The following ADAMTSL3 variants were observed in gnomAD, a reference collection of about 807,000 sequenced individuals.
The protein encoded by ADAMTSL3 is ADAMTS-like protein 3.
In ADAMTSL3, 128 loss-of-function variants were observed where a neutral mutation model predicts 201.7. The observed-to-expected ratio is 0.63, with a 90% confidence interval of 0.55 to 0.73. The LOEUF (loss-of-function observed/expected upper bound fraction) is 0.73. Among genes scored for constraint, ADAMTSL3 ranks in the 30% least tolerant of loss-of-function variants. The pLI is 0.00. For synonymous variants in ADAMTSL3, 738 were observed against 748.4 expected, an observed-to-expected ratio of 0.99 and a Z score of 0.23; for missense variants, 1,990 against 2,119.6, an observed-to-expected ratio of 0.94 and a Z score of 1.20.
chr15:83,655,693 G>C, intron 1 of ADAMTSL3, 36 bp from the exon 2 acceptor site: 3 of 1,505,824 alleles, frequency 2.0e-6, no homozygotes, highest in South Asian at 2.3e-5. Flanking sequence ...ATGGGGGCCA[G>C]AGCTGGTTGG....
chr15:83,937,826 C>G lies in ADAMTSL3; in HGVS notation c.2118-4770C>G, dbSNP rs529963128. On this transcript the variant is annotated intron_variant, in intron 17 of 29. Transcript: ENST00000286744. The stretch of plus-strand genomic sequence containing the variant: ...TATCACCTTATATTAATCAGGGTTC[C>G]TAGGTATAAGCAGTATAAACTAATT... 2.0e-5 allele frequency among the ~76,000 whole-genome samples: 3 copies of G among 150,766 alleles called. 1 individual carries two copies. The highest frequency in any genetic ancestry group is 7.5e-5 in the African/African-American group (3 of 40,222).
intron 27 of ADAMTSL3, among the ~76,000 whole-genome samples, chr15:84,029,738 C>T (rs758114771): frequency 5.7e-4 from 86 of 152,196 alleles, no homozygotes; most frequent in Non-Finnish European, 5.1e-4. Context: ...GTCTCCAGGG[C>T]ACGTCAGTGG....
At chr15:84,022,547 A>G (rs2068222833) in intron 26 of ADAMTSL3, among the ~76,000 whole-genome samples, 1 of 152,224 alleles carries the variant, frequency 6.6e-6, no homozygotes, top group South Asian at 2.1e-4. Flanking sequence ...TATATTTTAC[A>G]TTTTTGCTTT....
intron 3 of ADAMTSL3, among the ~76,000 whole-genome samples, chr15:83,750,870 T>A (rs1691702091): frequency 6.6e-6 from 1 of 152,216 alleles, no homozygotes; most frequent in African/African-American, 2.4e-5. Context: ...TTTTAATTCG[T>A]TGATTCATTG....
At chr15:83,772,813 C>T (rs991981904) in intron 3 of ADAMTSL3, among the ~76,000 whole-genome samples, 2 of 151,360 alleles carry the variant, frequency 1.3e-5, no homozygotes. Context: ...TCAAGTGATT[C>T]TCCTGCTTTG....
chr15:83,751,583 A>C (rs1054165487), intron 3 of ADAMTSL3, among the ~76,000 whole-genome samples: 2 of 152,160 alleles, frequency 1.3e-5, no homozygotes, highest in Non-Finnish European at 2.9e-5. Context: ...TGTCCTTTCC[A>C]AGAAGGTGGG....
At chr15:83,852,478 A>G (rs1411313997) in intron 7 of ADAMTSL3, among the ~76,000 whole-genome samples, 2 of 152,226 alleles carry the variant, frequency 1.3e-5, no homozygotes, top group Non-Finnish European at 2.9e-5. Context: ...ACTCATATCA[A>G]TGAGCATTTA....
intron 4 of ADAMTSL3, among the ~76,000 whole-genome samples, chr15:83,801,022 C>T (rs761792823): frequency 6.6e-6 from 1 of 152,174 alleles, no homozygotes; most frequent in South Asian, 2.1e-4. Flanking sequence ...AGAAAGACTT[C>T]TCCACACCAG....
chr15:83,883,417 C>G (rs968776355), intron 9 of ADAMTSL3, among the ~76,000 whole-genome samples: 42 of 152,062 alleles, frequency 2.8e-4, no homozygotes, highest in Admixed American at 1.3e-4. Flanking sequence ...AAGGGACCTG[C>G]CTGCCTCAGC....
intron 6 of ADAMTSL3, among the ~76,000 whole-genome samples, chr15:83,824,172 T>C (rs576260282): frequency 6.6e-6 from 1 of 151,932 alleles, no homozygotes; most frequent in Non-Finnish European, 1.5e-5. Flanking sequence ...GCCTCCCACG[T>C]AGCTGGGACT....
At chr15:83,773,471 C>G in intron 3 of ADAMTSL3, 52 bp from the exon 4 acceptor site, 1 of 1,587,630 alleles carries the variant, frequency 6.3e-7, no homozygotes, top group Non-Finnish European at 8.6e-7. Context: ...CCACATTTGC[C>G]TATACTTTAT....
chr15:83,753,142 TTCTGAAGACTTGATGG>T (rs1339764711), intron 3 of ADAMTSL3, among the ~76,000 whole-genome samples: 1 of 152,214 alleles, frequency 6.6e-6, no homozygotes, highest in Non-Finnish European at 1.5e-5. Flanking sequence ...CTGGCTACCT[TTCTGAAGACTTGATGG>T]TCTGAATGGT....
intron 15 of ADAMTSL3, 130 bp from the exon 16 acceptor site, chr15:83,912,962 C>A: frequency 1.1e-6 from 1 of 948,966 alleles, no homozygotes; most frequent in Non-Finnish European, 1.6e-6. Context: ...GTATAAAATT[C>A]CAAATGTGTG....
At chr15:83,700,628 G>A (rs1462497739) in intron 2 of ADAMTSL3, among the ~76,000 whole-genome samples, 2 of 152,130 alleles carry the variant, frequency 1.3e-5, no homozygotes, top group South Asian at 2.1e-4. Flanking sequence ...TCCAGGCATG[G>A]TGGTGGGCAC....
intron 7 of ADAMTSL3, among the ~76,000 whole-genome samples, chr15:83,849,545 C>T (rs2064566908): frequency 6.6e-6 from 1 of 152,214 alleles, no homozygotes; most frequent in South Asian, 2.1e-4. Flanking sequence ...TAGGAGGTTT[C>T]AGGCAGTCTA....
intron 3 of ADAMTSL3, among the ~76,000 whole-genome samples, chr15:83,710,201 C>T (rs2061914342): frequency 6.6e-6 from 1 of 152,200 alleles, no homozygotes; most frequent in South Asian, 2.1e-4. Flanking sequence ...TATACCTATT[C>T]ATACCAGGCC....
intron 6 of ADAMTSL3, among the ~76,000 whole-genome samples, chr15:83,829,185 T>G (rs1295384597): frequency 6.6e-6 from 1 of 152,248 alleles, no homozygotes; most frequent in Non-Finnish European, 1.5e-5. Context: ...AGGCTATTAA[T>G]TATTGCCTCA....
At chr15:84,031,573 C>A (rs968853364) in intron 28 of ADAMTSL3, 141 bp downstream of exon 28, 20 of 686,754 alleles carry the variant, frequency 2.9e-5, no homozygotes, top group South Asian at 2.8e-4. Context: ...TATTTAGTGT[C>A]ATCTTCAATA....
chr15:83,866,610 G>A (rs193115879), intron 8 of ADAMTSL3, among the ~76,000 whole-genome samples: 106 of 152,202 alleles, frequency 7.0e-4, no homozygotes, highest in African/African-American at 5.3e-4. Context: ...GTCCTGTTGT[G>A]GGGTGGGGGG....
Sources: gnomAD v4.1 joint callset for allele counts (sites outside exome capture counted in the v4.1 genomes callset) on GRCh38, gnomAD v4.1.1 for gene constraint, MANE v1.5 for transcripts, NCBI Gene and HGNC (gene_info 2026-07-23, HGNC 2026-07-21) for gene names.